Variants in COL15A1 observed in about 807,000 individuals in gnomAD.
COL15A1 encodes collagen alpha-1(XV) chain.
In COL15A1, 111 loss-of-function variants were observed where a neutral mutation model predicts 165.9. The ratio of observed to expected loss-of-function variants is 0.67; its 90% confidence interval spans 0.57 to 0.78. The LOEUF (loss-of-function observed/expected upper bound fraction) is 0.78. COL15A1 is among the 30% of genes least tolerant of loss of function. The pLI is 0.00. For synonymous variants in COL15A1, 659 were observed against 674.8 expected, an observed-to-expected ratio of 0.98 and a Z score of 0.36; for missense variants, 1,745 against 1,789.7, an observed-to-expected ratio of 0.98 and a Z score of 0.45.
intron 2 of COL15A1, among the ~76,000 whole-genome samples, chr9:98,966,835 A>G (rs1837966103): frequency 6.6e-6 from 1 of 152,238 alleles, no homozygotes; most frequent in Non-Finnish European, 1.5e-5. Context: ...GAGCTAAGCT[A>G]TTAAGTGCAT....
rs141173349 is a variant in COL15A1 at position 99,000,848 on chromosome 9, A to G, written c.962A>G (p.Glu321Gly). 48 of 1,549,866 alleles carry G rather than the reference A, an allele frequency of 3.1e-5. No homozygotes were observed. Among genetic ancestry groups the G allele is most frequent in the Non-Finnish European group, 4.2e-5 (47 of 1,122,614 alleles). Reference protein sequence around the residue: ...QHSSPKQGSGEILNDTLEGVH... With the variant: ...QHSSPKQGSGGILNDTLEGVH... ...TGCCTGCTTCCTGTAGGGTCTGGTG[A>G]GATCCTGAATGACACACTGGAGGGG... Residue 321 changes from glutamate (E) to glycine (G), a missense_variant, in exon 7 of 42, where the codon GAG becomes GGG. Physicochemically the swap from Glu to Gly is moderately conservative, Grantham distance 98 (BLOSUM62 -2). Coordinates refer to ENST00000375001, the MANE Select transcript of COL15A1 (RefSeq NM_001855.5).
At chr9:99,004,860 T>TG (rs770465068) in intron 8 of COL15A1, 38 bp from the exon 9 acceptor site, 2 of 1,613,242 alleles carry the variant, frequency 1.2e-6, no homozygotes, top group South Asian at 2.2e-5. Context: ...ATCAGCATCA[T>TG]GGGGCACTGA....
chr9:99,067,638 C>T (rs1825916106), intron 40 of COL15A1, among the ~76,000 whole-genome samples: 1 of 152,184 alleles, frequency 6.6e-6, no homozygotes, highest in Admixed American at 6.5e-5. Context: ...GCTCTGGGTC[C>T]TGATGACTGT....
chr9:98,978,125 T>C (rs1838171214), intron 2 of COL15A1, among the ~76,000 whole-genome samples: 1 of 152,224 alleles, frequency 6.6e-6, no homozygotes, highest in Non-Finnish European at 1.5e-5. Flanking sequence ...GAAGTCTCCC[T>C]GAACATCAAT....
chr9:98,960,687 C>G (rs1247569349), intron 2 of COL15A1, among the ~76,000 whole-genome samples: 1 of 152,218 alleles, frequency 6.6e-6, no homozygotes, highest in Admixed American at 6.5e-5. Flanking sequence ...CCTTTTGAAA[C>G]CTCAGTTTCC....
At chr9:99,021,848 C>G (rs1454386457) in intron 12 of COL15A1, among the ~76,000 whole-genome samples, 4 of 152,212 alleles carry the variant, frequency 2.6e-5, no homozygotes, top group Non-Finnish European at 1.5e-5. Context: ...GTGTGTGATG[C>G]GTGCTCATAC....
intron 4 of COL15A1, among the ~76,000 whole-genome samples, chr9:98,988,838 G>A (rs377520525): frequency 1.3e-5 from 2 of 151,984 alleles, no homozygotes; most frequent in South Asian, 2.1e-4. Flanking sequence ...CAGGAGAATC[G>A]TTTGAACCCA....
At chr9:99,016,638 G>T (rs79238183) in intron 11 of COL15A1, among the ~76,000 whole-genome samples, 1 of 152,234 alleles carries the variant, frequency 6.6e-6, no homozygotes, top group East Asian at 1.9e-4. Flanking sequence ...CGTTTACAAA[G>T]CTCTGTACCC....
chr9:99,018,118 G>A (rs1046149126), intron 11 of COL15A1, among the ~76,000 whole-genome samples: 3 of 152,148 alleles, frequency 2.0e-5, no homozygotes, highest in East Asian at 1.9e-4. Flanking sequence ...ATAGTATCAC[G>A]ATGCATCTAA....
intron 9 of COL15A1, among the ~76,000 whole-genome samples, chr9:99,014,270 A>G (rs374284220): frequency 6.6e-6 from 1 of 152,228 alleles, no homozygotes; most frequent in Admixed American, 6.5e-5. Flanking sequence ...GCTCTCTACC[A>G]TCCTAGAAGC....
intron 5 of COL15A1, among the ~76,000 whole-genome samples, chr9:98,995,211 T>C (rs1564037682): frequency 1.3e-5 from 2 of 152,122 alleles, no homozygotes; most frequent in Non-Finnish European, 2.9e-5. Flanking sequence ...TCTTCCCTGC[T>C]AGATGAACAT....
chr9:98,971,785 A>G (rs1040588601), intron 2 of COL15A1, among the ~76,000 whole-genome samples: 4 of 152,178 alleles, frequency 2.6e-5, no homozygotes, highest in African/African-American at 7.2e-5. Flanking sequence ...GGTGGTGAGC[A>G]GAGCTGGGTC....
In COL15A1 at chr9:99,020,376, C is replaced by G; in HGVS notation, c.1648-13C>G. ...TGTTGTGGCCACGTTTTAACCAAAT[C>G]TTCTTCTTTTAGGCTCAAAGAGAAC... On this transcript the variant is annotated splice_polypyrimidine_tract_variant and intron_variant, in intron 11 of 41. Coordinates refer to ENST00000375001, the MANE Select transcript of COL15A1 (RefSeq NM_001855.5). 6.2e-7 allele frequency: 1 copy of G among 1,608,604 alleles called. No homozygotes were observed. Among genetic ancestry groups the G allele is most frequent in the Non-Finnish European group, 8.5e-7 (1 of 1,175,526 alleles).
At position 98,985,825 on chromosome 9, in the gene COL15A1, G is replaced by T. The variant is rs745493353; in HGVS notation, c.361G>T (p.Gly121Cys). 1.2e-6 allele frequency: 2 copies of T among 1,613,886 alleles called. No homozygotes were observed. Among genetic ancestry groups the T allele is most frequent in the African/African-American group, 2.7e-5 (2 of 75,040 alleles). The change falls in exon 3 of 42, where the codon GGC becomes TGC. Residue 121 changes from glycine to cysteine, a missense_variant. Gly to Cys is a radical substitution (Grantham distance 159). Transcript: ENST00000375001. ...CGCCTTCCAGAAGGTCATCTACCTG[G>T]GCCTGCGGCTCTCAGGTGTGGAGGA... is the stretch of plus-strand genomic sequence containing the variant. ...TDAFQKVIYL[G>C]LRLSGVEDGH...
At chr9:98,980,933 G>C (rs986131838) in intron 2 of COL15A1, among the ~76,000 whole-genome samples, 1 of 152,134 alleles carries the variant, frequency 6.6e-6, no homozygotes, top group Admixed American at 6.5e-5. Flanking sequence ...GGTTGCTTCA[G>C]AGAACAATTT....
chr9:99,015,946 G>A (rs370705156), intron 10 of COL15A1, 30 bp from the exon 11 acceptor site: 1 of 1,608,508 alleles, frequency 6.2e-7, no homozygotes, highest in Non-Finnish European at 8.5e-7. Flanking sequence ...GCGAGGTGAG[G>A]TGGTGCCTTA....
chr9:99,038,829 C>T (rs185425008), intron 22 of COL15A1, 96 bp downstream of exon 22: 22 of 755,104 alleles, frequency 2.9e-5, no homozygotes, highest in African/African-American at 1.9e-4. Flanking sequence ...GCTCCTGAAG[C>T]GTAGAGCTAG....
intron 16 of COL15A1, among the ~76,000 whole-genome samples, chr9:99,028,025 A>G (rs1400227132): frequency 6.6e-6 from 1 of 152,194 alleles, no homozygotes; most frequent in African/African-American, 2.4e-5. Context: ...TCTGCCCTTC[A>G]ACTTGCATAC....
intron 9 of COL15A1, among the ~76,000 whole-genome samples, chr9:99,005,445 G>T (rs755243645): frequency 6.6e-6 from 1 of 152,090 alleles, no homozygotes; most frequent in Non-Finnish European, 1.5e-5. Context: ...CCCTCTCCTC[G>T]TGCAGCGCAC....
Sources: allele counts gnomAD v4.1 joint callset (sites outside exome capture counted in the v4.1 genomes callset), GRCh38; gene constraint gnomAD v4.1.1; transcripts MANE v1.5; gene names NCBI Gene and HGNC (gene_info 2026-07-23, HGNC 2026-07-21).